Variants in HTR4 observed in about 807,000 individuals in gnomAD.
The protein encoded by HTR4 is 5-hydroxytryptamine receptor 4.
In HTR4, 16 loss-of-function variants were observed where a neutral mutation model predicts 36.8. That is an observed-to-expected ratio of 0.43 (90% CI 0.29 to 0.66). HTR4 has a LOEUF of 0.66. Ranked by LOEUF, HTR4 falls within the 30% of genes least tolerant of loss-of-function variation. The pLI is 0.13. For missense variants in HTR4, 438 were observed against 490.9 expected (o/e 0.89, Z 1.02); for synonymous variants, 189 against 185.1 (o/e 1.02, Z -0.17).
chr5:148,577,681 G>T (rs2127238916), intron 2 of HTR4, among the ~76,000 whole-genome samples: 1 of 152,170 alleles, frequency 6.6e-6, no homozygotes, highest in African/African-American at 2.4e-5. Flanking sequence ...AATGGATGGA[G>T]CTGGAGGCTA....
At chr5:148,612,153 A>G (rs1480957276) in intron 2 of HTR4, among the ~76,000 whole-genome samples, 4 of 152,144 alleles carry the variant, frequency 2.6e-5, no homozygotes, top group Admixed American at 2.0e-4. Context: ...CCCAGGAATT[A>G]AACTCAGCTC....
chr5:148,562,180 C>G (rs1328833766), intron 2 of HTR4, among the ~76,000 whole-genome samples: 1 of 152,190 alleles, frequency 6.6e-6, no homozygotes, highest in African/African-American at 2.4e-5. Flanking sequence ...TGTAGTTCCT[C>G]TAGCTGAGTT....
intron 5 of HTR4, among the ~76,000 whole-genome samples, chr5:148,517,545 G>A (rs143358023): frequency 5.8e-4 from 88 of 151,398 alleles, no homozygotes; most frequent in African/African-American, 2.1e-3. Flanking sequence ...TCGATTGATG[G>A]TTACTCACTC....
At chr5:148,645,460 T>G (rs1007982106) in intron 1 of HTR4, 20 of 152,100 alleles carry the variant, frequency 1.3e-4, no homozygotes, top group African/African-American at 3.9e-4. Flanking sequence ...GTAAACATCT[T>G]TTTTTTTGCT....
At chr5:148,557,887 A>G (rs1240550736) in intron 2 of HTR4, among the ~76,000 whole-genome samples, 2 of 151,484 alleles carry the variant, frequency 1.3e-5, no homozygotes, top group East Asian at 3.9e-4. Flanking sequence ...GGGAAACTAG[A>G]GTACTTTTTC....
Position 148,605,765 on chromosome 5 carries a change from G to A in HTR4, c.26+31224C>T, listed in dbSNP as rs559281634. Among the ~76,000 whole-genome samples the A allele has an allele frequency of 1.7e-3, 265 of 151,838 alleles. 1 individual carries two copies. Among genetic ancestry groups the A allele is most frequent in the Non-Finnish European group, 3.0e-3 (203 of 67,948 alleles). On this transcript the variant is annotated intron_variant, in intron 2 of 6. Coordinates refer to ENST00000377888, the MANE Select transcript of HTR4 (RefSeq NM_000870.7). The stretch of plus-strand genomic sequence containing the variant: ...TGTGATTTAAAAAAAAAAAAAATCG[G>A]AAAACAAATCAACCCAGACTGTTAC...
At chr5:148,592,222 G>A (rs932651712) in intron 2 of HTR4, among the ~76,000 whole-genome samples, 2 of 152,062 alleles carry the variant, frequency 1.3e-5, no homozygotes, top group Non-Finnish European at 2.9e-5. Flanking sequence ...ACAAACACTG[G>A]AATCTACTTG....
At chr5:148,518,556 T>C (rs1371383355) in intron 5 of HTR4, among the ~76,000 whole-genome samples, 2 of 152,198 alleles carry the variant, frequency 1.3e-5, no homozygotes, top group Non-Finnish European at 1.5e-5. Flanking sequence ...TCATTCTCTA[T>C]AGAGTAGCCA....
chr5:148,510,037 G>A lies in HTR4; in HGVS notation c.508-13C>T, dbSNP rs201200487. On this transcript the variant is annotated splice_polypyrimidine_tract_variant and intron_variant, in intron 5 of 6. Transcript: ENST00000377888. The stretch of plus-strand genomic sequence containing the variant: ...TCCTCTTTTCTATCTGAGAGTTGGA[G>A]GGAGAGAGGAAATGAGGAAAGGAGG... The A allele has an allele frequency of 1.0e-4, 160 of 1,572,152 alleles. No homozygotes were observed. In the African/African-American group the frequency reaches 2.0e-3, roughly 20 times the overall value.
intron 2 of HTR4, among the ~76,000 whole-genome samples, chr5:148,558,964 A>T (rs1241181018): frequency 6.6e-6 from 1 of 152,216 alleles, no homozygotes; most frequent in East Asian, 1.9e-4. Context: ...TAAATGGAAA[A>T]TGCATTTAAT....
At chr5:148,494,871 A>C (rs964516019) in intron 6 of HTR4, among the ~76,000 whole-genome samples, 1 of 152,250 alleles carries the variant, frequency 6.6e-6, no homozygotes, top group Non-Finnish European at 1.5e-5. Context: ...TTAAATAGTC[A>C]TGTGTGGCTA....
intron 5 of HTR4, among the ~76,000 whole-genome samples, chr5:148,464,166 A>G (rs1349218088): frequency 6.6e-6 from 1 of 152,130 alleles, no homozygotes; most frequent in South Asian, 2.1e-4. Context: ...GAAAAAATCT[A>G]GACAACTGTT....
At chr5:148,463,154 T>C (rs1222804661) in intron 5 of HTR4, among the ~76,000 whole-genome samples, 1 of 125,730 alleles carries the variant, frequency 8.0e-6, no homozygotes, top group East Asian at 2.3e-4. Flanking sequence ...GCTTTTCATT[T>C]CTTTTTTTTT....
chr5:148,635,196 AT>A (rs1753488384), intron 2 of HTR4, among the ~76,000 whole-genome samples: 1 of 152,208 alleles, frequency 6.6e-6, no homozygotes, highest in Admixed American at 6.5e-5. Context: ...TAAAATAAAA[AT>A]ATTGTTGGCA....
intron 2 of HTR4, among the ~76,000 whole-genome samples, chr5:148,633,676 G>A (rs547456176): frequency 4.5e-4 from 69 of 152,112 alleles, no homozygotes; most frequent in African/African-American, 1.5e-3. Flanking sequence ...TTCAGTGATT[G>A]TCATCTAGCT....
intron 2 of HTR4, among the ~76,000 whole-genome samples, chr5:148,614,666 A>C (rs1269939019): frequency 9.9e-5 from 15 of 152,066 alleles, no homozygotes; most frequent in South Asian, 2.1e-4. Context: ...GCAACAAAAG[A>C]CAAAATTGAC....
At chr5:148,574,851 T>C (rs956867723) in intron 2 of HTR4, among the ~76,000 whole-genome samples, 5 of 152,120 alleles carry the variant, frequency 3.3e-5, no homozygotes, top group Non-Finnish European at 7.4e-5. Flanking sequence ...ATTTTTCATA[T>C]TGTCAAATGA....
At chr5:148,465,793 A>T (rs1000189920) in intron 5 of HTR4, 5 of 1,572,938 alleles carry the variant, frequency 3.2e-6, no homozygotes, top group South Asian at 2.4e-5. Context: ...GATATTTTGT[A>T]TAAAGAAATA....
intron 6 of HTR4, chr5:148,484,209 T>C: frequency 6.4e-7 from 1 of 1,564,548 alleles, no homozygotes; most frequent in Non-Finnish European, 8.7e-7. Flanking sequence ...TTTTAGTTTT[T>C]CAGGCAAGGT....
Sources: allele counts gnomAD v4.1 joint callset (sites outside exome capture counted in the v4.1 genomes callset), GRCh38; gene constraint gnomAD v4.1.1; transcripts MANE v1.5; gene names NCBI Gene and HGNC (gene_info 2026-07-23, HGNC 2026-07-21).